CALN1: variants seen among roughly 807,000 people sequenced by gnomAD.
CALN1 encodes calneuron 1.
Under a neutral mutation model 30.6 loss-of-function variants are expected in CALN1, and 17 were observed. The observed-to-expected ratio is 0.56, with a 90% CI of 0.38 to 0.83. The LOEUF (loss-of-function observed/expected upper bound fraction) is 0.83, where lower values mean the gene tolerates loss of function less well. CALN1 is among the 40% of genes least tolerant of loss of function. The pLI is 0.00. For missense variants in CALN1, 291 were observed against 354.9 expected, an observed-to-expected ratio of 0.82 and a Z score of 1.45; for synonymous variants, 156 against 131.4, an observed-to-expected ratio of 1.19 and a Z score of -1.28.
chr7:72,487,382 G>A, the CALN1 span, among the ~76,000 whole-genome samples: 1 of 151,914 alleles, frequency 6.6e-6, no homozygotes, highest in African/African-American at 2.4e-5. Context: ...TCCCCAGCTG[G>A]GGAATGAGAA....
intron 5 of CALN1, among the ~76,000 whole-genome samples, chr7:71,927,715 G>A (rs535644275): frequency 5.3e-5 from 8 of 152,250 alleles, no homozygotes; most frequent in African/African-American, 1.9e-4. Flanking sequence ...GTGGTGTATA[G>A]GAGAAGACAG....
intron 2 of CALN1, among the ~76,000 whole-genome samples, chr7:72,346,643 G>A (rs1429726348): frequency 6.6e-6 from 1 of 152,072 alleles, no homozygotes; most frequent in African/African-American, 2.4e-5. Flanking sequence ...AGCCTCCCGA[G>A]TAGTTGGGGT....
At chr7:72,078,707 G>A (rs1181584707) in intron 4 of CALN1, among the ~76,000 whole-genome samples, 2 of 152,096 alleles carry the variant, frequency 1.3e-5, no homozygotes, top group Admixed American at 6.5e-5. Context: ...TCACCAAGGC[G>A]GGCAGACCAC....
intron 5 of CALN1, among the ~76,000 whole-genome samples, chr7:71,960,962 T>C (rs767128616): frequency 6.6e-6 from 1 of 152,094 alleles, no homozygotes; most frequent in Non-Finnish European, 1.5e-5. Flanking sequence ...GATCACAGGC[T>C]TGTGACACCA....
intron 1 of CALN1, among the ~76,000 whole-genome samples, chr7:72,439,254 A>G (rs1808271059): frequency 6.6e-6 from 1 of 152,018 alleles, no homozygotes; most frequent in African/African-American, 2.4e-5. Flanking sequence ...TTGGTATCAA[A>G]CCCCTGAGCT....
chr7:72,125,799 CTTTT>C (rs61475416), intron 3 of CALN1, among the ~76,000 whole-genome samples: 27,066 of 114,326 alleles, frequency 0.24, 3,104 homozygotes, highest in East Asian at 0.58. Context: ...CTGTATCATT[CTTTT>C]TTTTTTTTTT....
intron 5 of CALN1, among the ~76,000 whole-genome samples, chr7:72,020,222 C>A (rs981126201): frequency 2.6e-5 from 4 of 152,118 alleles, no homozygotes; most frequent in African/African-American, 9.7e-5. Context: ...CCATGCCCAG[C>A]TAATTTTTCA....
chr7:72,199,438 G>A (rs1374962471), intron 3 of CALN1, among the ~76,000 whole-genome samples: 1 of 152,172 alleles, frequency 6.6e-6, no homozygotes, highest in Non-Finnish European at 1.5e-5. Flanking sequence ...AAGCACAGTG[G>A]CTCACAACTG....
chr7:72,486,240 G>A, the CALN1 span, among the ~76,000 whole-genome samples: 2 of 152,290 alleles, frequency 1.3e-5, no homozygotes, highest in African/African-American at 4.8e-5. Flanking sequence ...TGGGACCACC[G>A]TTGTATATGT....
intron 2 of CALN1, among the ~76,000 whole-genome samples, chr7:72,317,128 G>A (rs1299191179): frequency 3.4e-5 from 4 of 117,460 alleles, no homozygotes; most frequent in Admixed American, 2.0e-4. Context: ...GAAAAAGAAA[G>A]AAAGGGAAGG....
At chr7:72,217,833 T>A (rs1483250692) in intron 3 of CALN1, among the ~76,000 whole-genome samples, 7 of 9,086 alleles carry the variant, frequency 7.7e-4, no homozygotes, top group African/African-American at 4.4e-3. Context: ...ATTAAATAAA[T>A]TTTTTTTTTT....
chr7:72,471,059 A>G, the CALN1 span, among the ~76,000 whole-genome samples: 2 of 152,064 alleles, frequency 1.3e-5, no homozygotes, highest in Non-Finnish European at 2.9e-5. Context: ...GGGTCAAGCA[A>G]TCCTCCCACC....
upstream of CALN1, among the ~76,000 whole-genome samples, chr7:72,447,797 G>A (rs1250632669): frequency 6.7e-6 from 1 of 148,538 alleles, no homozygotes; most frequent in Non-Finnish European, 1.5e-5. Flanking sequence ...GCCTGCTCGT[G>A]TATATGCATA....
chr7:72,493,483 C>T, the CALN1 span, among the ~76,000 whole-genome samples: 2 of 152,050 alleles, frequency 1.3e-5, no homozygotes, highest in African/African-American at 2.4e-5. Context: ...GGACTACAAG[C>T]ATGCACCACC....
intron 4 of CALN1, among the ~76,000 whole-genome samples, chr7:72,030,747 ATTT>A (rs760388648): frequency 1.4e-5 from 2 of 146,378 alleles, no homozygotes; most frequent in Non-Finnish European, 3.0e-5. Context: ...TACCCACACA[ATTT>A]TTTTTTTTTT....
At chr7:72,500,101 AG>A in the CALN1 span, among the ~76,000 whole-genome samples, 1 of 147,920 alleles carries the variant, frequency 6.8e-6, no homozygotes, top group Admixed American at 6.9e-5. Context: ...TAGTAGAGAG[AG>A]GGTTTCACCA....
chr7:71,817,857 ATC>A (rs1053000694), intron 5 of CALN1, among the ~76,000 whole-genome samples: 2 of 151,822 alleles, frequency 1.3e-5, no homozygotes, highest in African/African-American at 4.8e-5. Flanking sequence ...TATAATTATA[ATC>A]TTTTTCTATA....
In CALN1 at chr7:71,894,297, C is replaced by T. The variant is rs6968063; in HGVS notation, c.502-83805G>A. Among the ~76,000 whole-genome samples the T allele has an allele frequency of 9.1e-3, 1,385 of 152,100 alleles. 26 individuals are homozygous for T. Among genetic ancestry groups the T allele is most frequent in the African/African-American group, 0.031 (1,306 of 41,496 alleles). Reference sequence around the variant, plus strand: ...CCAAGTCTCACTTATTCCTTCTATCCCCACTCAACCAGAAAGACAGGATCT... The same window carrying T: ...CCAAGTCTCACTTATTCCTTCTATCTCCACTCAACCAGAAAGACAGGATCT... On this transcript the variant is annotated intron_variant, in intron 5 of 6. Transcript: ENST00000395275.
chr7:72,467,169 C>G, the CALN1 span, among the ~76,000 whole-genome samples: 1 of 152,330 alleles, frequency 6.6e-6, no homozygotes, highest in Non-Finnish European at 1.5e-5. Context: ...CAGCCTATGA[C>G]CAATATGAGT....
Sources: gnomAD v4.1 joint callset for allele counts (sites outside exome capture counted in the v4.1 genomes callset) on GRCh38, gnomAD v4.1.1 for gene constraint, MANE v1.5 for transcripts, NCBI Gene and HGNC (gene_info 2026-07-23, HGNC 2026-07-21) for gene names.